C6orf132: variants seen among roughly 807,000 people sequenced by gnomAD.
The protein encoded by C6orf132 is chromosome 6 open reading frame 132.
C6orf132 carries 43 observed loss-of-function variants against 65.3 expected under a neutral mutation model. The observed-to-expected ratio is 0.66, with a 90% CI of 0.52 to 0.85. The LOEUF is 0.85. Ranked by LOEUF, C6orf132 falls within the 40% of genes least tolerant of loss-of-function variation. The pLI is 0.00. For synonymous variants in C6orf132, 631 were observed against 654.1 expected (o/e 0.96, Z 0.54); for missense variants, 1,488 against 1,548.8 (o/e 0.96, Z 0.66).
chr6:42,123,250 G>A (rs1387270473), intron 2 of C6orf132, among the ~76,000 whole-genome samples: 1 of 152,152 alleles, frequency 6.6e-6, no homozygotes, highest in African/African-American at 2.4e-5. Context: ...GGGCGTGGTG[G>A]CAGACGCCTG....
intron 1 of C6orf132, among the ~76,000 whole-genome samples, chr6:42,134,383 A>G (rs1463994480): frequency 2.0e-5 from 3 of 152,172 alleles, no homozygotes; most frequent in African/African-American, 4.8e-5. Context: ...TTTATGCTCA[A>G]TAATTGGGAG....
At chr6:42,126,273 G>T (rs1378184229) in intron 2 of C6orf132, 1 of 151,548 alleles carries the variant, frequency 6.6e-6, no homozygotes, top group Non-Finnish European at 1.5e-5. Flanking sequence ...TAGAGACGGG[G>T]TTTCACCATG....
rs1360611945 is a variant in C6orf132, at chr6:42,103,891, A to G, written c.3450-13T>C. On this transcript the variant is annotated splice_polypyrimidine_tract_variant and intron_variant, in intron 4 of 4. Transcript: ENST00000341865. ...GGTGTAGGGAGACCTGGGGGAGAGC[A>G]AGAGATGTGAGGTGAATATCTGCAG... is the stretch of plus-strand genomic sequence containing the variant. 4 of 1,407,722 alleles carry G rather than the reference A, an allele frequency of 2.8e-6. No individual in the cohort carries two copies. The East Asian group carries it at 1.1e-4, about 40-fold the overall frequency. The allele number at this position is 1,407,722 out of a possible 1,614,324, so 87.2% of individuals were successfully genotyped here.
chr6:42,133,800 TC>T (rs950537334), intron 1 of C6orf132, among the ~76,000 whole-genome samples: 1 of 79,258 alleles, frequency 1.3e-5, no homozygotes, highest in Non-Finnish European at 2.2e-5. Flanking sequence ...TAACAATTTC[TC>T]CCTCATAGAA....
rs569183661 is a variant in C6orf132, at chr6:42,129,113, C to T, written c.146-335G>A. Among the ~76,000 whole-genome samples the T allele has an allele frequency of 1.2e-4, 19 of 152,336 alleles. No homozygotes were observed. In the South Asian group the frequency reaches 2.9e-3, roughly 23 times the overall value. The stretch of plus-strand genomic sequence containing the variant: ...CCTCGTTTTTGGAGCCCAGGAAGCC[C>T]GGCTAAGGGCCCAGCTGAAGCTTAT... On this transcript the variant is annotated intron_variant, in intron 1 of 4. Transcript: ENST00000341865.
intron 1 of C6orf132, among the ~76,000 whole-genome samples, chr6:42,131,975 T>A (rs1402180630): frequency 6.6e-6 from 1 of 152,056 alleles, no homozygotes; most frequent in African/African-American, 2.4e-5. Context: ...GAGGGAAACG[T>A]GATACGGGAG....
chr6:42,106,653 G>A lies in C6orf132; in HGVS notation c.1259C>T (p.Ala420Val), dbSNP rs1249694596. Residue 420 changes from alanine to valine, a missense_variant, in exon 4 of 5, where the codon GCT becomes GTT. Transcript: ENST00000341865. ...AGCAGGTGGATGGGCTGCCTTCTGAGCACAGGGCAAAGGAGGTGCAGCTGG... is the reference window on the plus strand; with the variant it reads ...AGCAGGTGGATGGGCTGCCTTCTGAACACAGGGCAAAGGAGGTGCAGCTGG... ...LPPAAPPLPC[A>V]QKAAHPPAGF... is the part of the protein sequence containing the mutation. The A allele has an allele frequency of 2.7e-6, 4 of 1,459,614 alleles. No individual in the cohort carries two copies. In the South Asian group the frequency reaches 3.6e-5, roughly 13 times the overall value. The allele number at this position is 1,459,614 out of a possible 1,614,324, so 90.4% of individuals were successfully genotyped here. A position where few individuals can be genotyped will look rare whatever the true frequency, so the allele number is the denominator to read the frequency against.
In C6orf132 at chr6:42,106,861, G is replaced by C; in HGVS notation, c.1051C>G (p.Gln351Glu). 6.5e-7 allele frequency: 1 copy of C among 1,535,724 alleles called. No homozygotes were observed. The highest frequency in any genetic ancestry group is 2.0e-5 in the Admixed American group (1 of 50,958). Reference sequence around the variant, plus strand: ...TCGGGGGCCCTGTCTGGGTAGACCTGGGAGGCGGGGCGGATGTGGAAGCTG... The same window carrying C: ...TCGGGGGCCCTGTCTGGGTAGACCTCGGAGGCGGGGCGGATGTGGAAGCTG... ...PPSFHIRPASQVYPDRAPEPD... is the reference protein window; with the variant it reads ...PPSFHIRPASEVYPDRAPEPD... Residue 351 changes from glutamine (Q) to glutamate (E), a missense_variant, in exon 4 of 5, where the codon CAG becomes GAG. Gln to Glu is a conservative substitution (Grantham distance 29). Transcript: ENST00000341865.
At chr6:42,142,176 C>G in intron 1 of C6orf132, 124 bp downstream of exon 1, 1 of 1,143,832 alleles carries the variant, frequency 8.7e-7, no homozygotes, top group South Asian at 1.5e-5. Flanking sequence ...CCGGCGGCTG[C>G]TCTCGGCCAG....
intron 2 of C6orf132, among the ~76,000 whole-genome samples, chr6:42,123,941 G>A (rs945551010): frequency 1.3e-5 from 2 of 152,246 alleles, no homozygotes; most frequent in African/African-American, 2.4e-5. Context: ...TCCAGAGGCG[G>A]AAGCAGAGCT....
chr6:42,138,834 C>T (rs1353448940), intron 1 of C6orf132, among the ~76,000 whole-genome samples: 3 of 110,722 alleles, frequency 2.7e-5, no homozygotes, highest in Non-Finnish European at 3.9e-5. Flanking sequence ...CACATCTCTG[C>T]TTTCTCATGC....
At position 42,102,292 on chromosome 6, in the gene C6orf132, T is replaced by C. The variant is rs6912553; in HGVS notation, c.*1469A>G. ...GCCAGGCTGGAGTGCAATTGTGCAA[T>C]CTCGGCTCACTGCAACCTCCACCTC... is the stretch of plus-strand genomic sequence containing the variant. On this transcript the variant is annotated 3_prime_UTR_variant, in exon 5 of 5. Coordinates refer to ENST00000341865, the MANE Select transcript of C6orf132 (RefSeq NM_001164446.3). The C allele has an allele frequency of 0.14, 19,397 of 141,774 alleles. 1,395 individuals carry two copies. Among genetic ancestry groups the C allele is most frequent in the Middle Eastern group, 0.2 (54 of 268 alleles). 8.8% of individuals were successfully genotyped at this position (141,774 alleles called of 1,614,324 possible). A position where few individuals can be genotyped will look rare whatever the true frequency, so the allele number is the denominator to read the frequency against.
chr6:42,116,032 C>T (rs963832429), intron 2 of C6orf132, among the ~76,000 whole-genome samples: 5 of 149,376 alleles, frequency 3.3e-5, no homozygotes, highest in South Asian at 2.1e-4. Flanking sequence ...CGGGTTCCAG[C>T]GATTCTCCTG....
chr6:42,119,727 T>C (rs1766649270), intron 2 of C6orf132, among the ~76,000 whole-genome samples: 1 of 151,884 alleles, frequency 6.6e-6, no homozygotes, highest in African/African-American at 2.4e-5. Context: ...AAGGCTCAAG[T>C]GATCCTCCTC....
At chr6:42,139,192 C>G (rs1033912057) in intron 1 of C6orf132, among the ~76,000 whole-genome samples, 2 of 152,172 alleles carry the variant, frequency 1.3e-5, no homozygotes, top group African/African-American at 2.4e-5. Context: ...GGCTGGATAT[C>G]GCCAGCATCT....
At chr6:42,136,863 C>T (rs866855696) in intron 1 of C6orf132, among the ~76,000 whole-genome samples, 11 of 151,982 alleles carry the variant, frequency 7.2e-5, no homozygotes, top group Admixed American at 1.3e-4. Context: ...GAGGACGGAA[C>T]AGAAACGGAA....
intron 2 of C6orf132, among the ~76,000 whole-genome samples, chr6:42,119,048 G>A (rs1351032449): frequency 7.9e-6 from 1 of 125,872 alleles, no homozygotes; most frequent in African/African-American, 3.1e-5. Flanking sequence ...TGGCCAACAT[G>A]GTGAAACCCT....
At chr6:42,123,961 G>A (rs1329466289) in intron 2 of C6orf132, among the ~76,000 whole-genome samples, 17 of 152,160 alleles carry the variant, frequency 1.1e-4, no homozygotes, top group Non-Finnish European at 1.5e-5. Context: ...TCAAGGAGGG[G>A]TCCATGTGTC....
At chr6:42,108,083 C>T (rs1370216666) in intron 3 of C6orf132, among the ~76,000 whole-genome samples, 2 of 152,208 alleles carry the variant, frequency 1.3e-5, no homozygotes, top group Non-Finnish European at 2.9e-5. Flanking sequence ...AGCTCACACT[C>T]TGGTATACTG....
Sources: allele counts gnomAD v4.1 joint callset (sites outside exome capture counted in the v4.1 genomes callset), GRCh38; gene constraint gnomAD v4.1.1; transcripts MANE v1.5; gene names NCBI Gene and HGNC (gene_info 2026-07-23, HGNC 2026-07-21).